RNF6: variants seen among roughly 807,000 people sequenced by gnomAD.
RNF6 encodes E3 ubiquitin-protein ligase RNF6.
A neutral mutation model predicts 50.1 loss-of-function variants in RNF6; 21 were observed. That is an observed-to-expected ratio of 0.42 (90% confidence interval 0.30 to 0.60). RNF6 has a LOEUF of 0.60. Among genes scored for constraint, RNF6 ranks in the 20% least tolerant of loss-of-function variants. The probability of loss-of-function intolerance (pLI) is 0.20; values close to 1 mark genes in which losing one functional copy is unlikely to be tolerated. For missense variants in RNF6, 698 were observed against 838.2 expected (o/e 0.83, Z 2.07); for synonymous variants, 255 against 291.8 (o/e 0.87, Z 1.29).
intron 5 of RNF6, among the ~76,000 whole-genome samples, chr13:26,196,429 T>A (rs1014923553): frequency 6.6e-6 from 1 of 152,094 alleles, no homozygotes; most frequent in Non-Finnish European, 1.5e-5. Context: ...GGTGGGTGGA[T>A]CATCTGAGGT....
intron 5 of RNF6, among the ~76,000 whole-genome samples, chr13:26,144,392 T>TC (rs55767001): frequency 6.6e-6 from 1 of 151,124 alleles, no homozygotes; most frequent in Non-Finnish European, 1.5e-5. Flanking sequence ...TTTTTTTTTT[T>TC]CACTATTTCA....
intron 5 of RNF6, among the ~76,000 whole-genome samples, chr13:26,192,782 C>A (rs931035491): frequency 1.3e-5 from 2 of 152,192 alleles, no homozygotes; most frequent in African/African-American, 2.4e-5. Context: ...TGAAGTAGGT[C>A]TTTCTCAGTC....
chr13:26,178,325 A>G (rs921064897), intron 5 of RNF6, among the ~76,000 whole-genome samples: 2 of 152,168 alleles, frequency 1.3e-5, no homozygotes, highest in Non-Finnish European at 2.9e-5. Flanking sequence ...TTTCTTGTTC[A>G]GAGATGGTGC....
chr13:26,190,237 C>G (rs1334666597), intron 5 of RNF6, among the ~76,000 whole-genome samples: 1 of 152,158 alleles, frequency 6.6e-6, no homozygotes, highest in African/African-American at 2.4e-5. Context: ...TCTGAGGACA[C>G]GTGAATAGAT....
At chr13:26,204,294 G>A (rs984052085) in intron 5 of RNF6, among the ~76,000 whole-genome samples, 8 of 151,804 alleles carry the variant, frequency 5.3e-5, no homozygotes, top group African/African-American at 1.5e-4. Flanking sequence ...TCAGGAGTTC[G>A]AGACCAGACT....
At chr13:26,178,858 T>A (rs1309259887) in intron 5 of RNF6, among the ~76,000 whole-genome samples, 1 of 152,138 alleles carries the variant, frequency 6.6e-6, no homozygotes, top group Non-Finnish European at 1.5e-5. Flanking sequence ...CTATTTTAGA[T>A]CCCACATATA....
In RNF6 at chr13:26,214,004, A is replaced by G. The variant is rs770098911; in HGVS notation, c.1878T>C (p.Ser626=). The G allele has an allele frequency of 1.9e-6, 3 of 1,614,222 alleles. No individual in the cohort carries two copies. The highest frequency in any genetic ancestry group is 2.5e-6 in the Non-Finnish European group (3 of 1,180,034). Residue 626 remains serine (S), a synonymous_variant, in exon 5 of 5, where the codon AGT becomes AGC. Coordinates refer to ENST00000381588, the MANE Select transcript of RNF6 (RefSeq NM_005977.4). The part of the protein sequence containing the change: ...TRHYEHNSID[S]ELGKICSVCI... Reference sequence around the variant, plus strand: ...AAACACTACAGATTTTACCTAGTTCACTATCAATACTGTTATGCTCATAGT... The same window carrying G: ...AAACACTACAGATTTTACCTAGTTCGCTATCAATACTGTTATGCTCATAGT...
rs1869423306 is a variant in RNF6, at chr13:26,213,072, C to A, written c.*752G>T. 6.6e-6 allele frequency: 1 copy of A among 152,486 alleles called. No homozygotes were observed. Among genetic ancestry groups the A allele is most frequent in the African/African-American group, 2.4e-5 (1 of 41,400 alleles). 9.4% of individuals were successfully genotyped at this position (152,486 alleles called of 1,614,324 possible). A position where few individuals can be genotyped will look rare whatever the true frequency, so the allele number is the denominator to read the frequency against. ...AATAACCTATATGATGTAAATTTTC[C>A]ATTTCTGAATACTTTTTCAGTATTA... On this transcript the variant is annotated 3_prime_UTR_variant, in exon 5 of 5. Transcript: ENST00000381588.
At chr13:26,209,919 A>C (rs1303662732), downstream of RNF6, among the ~76,000 whole-genome samples, 2 of 152,210 alleles carry the variant, frequency 1.3e-5, no homozygotes, top group African/African-American at 2.4e-5. Flanking sequence ...AAAAGGAATA[A>C]AAAATATATA....
chr13:26,146,932 G>A (rs1441719664), intron 5 of RNF6, among the ~76,000 whole-genome samples: 2 of 152,126 alleles, frequency 1.3e-5, no homozygotes, highest in Non-Finnish European at 2.9e-5. Context: ...AGATCTGGTT[G>A]TTTGAAATGC....
chr13:26,184,016 ATATTTTTTTT>A (rs536301133), intron 5 of RNF6, among the ~76,000 whole-genome samples: 904 of 38,290 alleles, frequency 0.024, no homozygotes, highest in African/African-American at 0.084. Flanking sequence ...ATATATATAT[ATATTTTTTTT>A]TTTTTTTTTT....
intron 5 of RNF6, among the ~76,000 whole-genome samples, chr13:26,185,609 GGT>G (rs1367427192): frequency 2.0e-5 from 3 of 152,232 alleles, no homozygotes; most frequent in Admixed American, 2.0e-4. Context: ...AGCCTGGCGT[GGT>G]GGCAGGCGCC....
chr13:26,157,648 A>C (rs1208210466), intron 5 of RNF6, among the ~76,000 whole-genome samples: 1 of 152,240 alleles, frequency 6.6e-6, no homozygotes, highest in African/African-American at 2.4e-5. Context: ...AAGTGAAAAC[A>C]AACAGATATT....
intron 2 of RNF6, among the ~76,000 whole-genome samples, chr13:26,219,980 A>G (rs1408072042): frequency 6.6e-6 from 1 of 152,220 alleles, no homozygotes; most frequent in Non-Finnish European, 1.5e-5. Context: ...GGAAAAGTTG[A>G]TCCAGAAGTC....
At chr13:26,165,046 T>C (rs1423047114) in intron 5 of RNF6, among the ~76,000 whole-genome samples, 1 of 152,152 alleles carries the variant, frequency 6.6e-6, no homozygotes, top group Non-Finnish European at 1.5e-5. Context: ...ACTCCCATCA[T>C]AAGCCTGGAG....
rs375439740 is a variant in RNF6 at position 26,134,794 on chromosome 13, G to A, written n.769-2343C>T. Among the ~76,000 whole-genome samples, 19 of 152,252 alleles carry A rather than the reference G, an allele frequency of 1.2e-4. 1 individual carries two copies. In the East Asian group the frequency reaches 2.9e-3, roughly 23 times the overall value. On this transcript the variant is annotated intron_variant and non_coding_transcript_variant, in intron 5 of 5. Coordinates refer to the RNF6 transcript ENST00000468480. ...TAATTGCACTTTAAAAAATCCGGAA[G>A]TTACCACCAAACTATTAAAATAATT...
chr13:26,207,856 T>C (rs1461520577), downstream of RNF6, among the ~76,000 whole-genome samples: 3 of 152,240 alleles, frequency 2.0e-5, no homozygotes, highest in Non-Finnish European at 2.9e-5. Flanking sequence ...CAGTCCCACC[T>C]GGCCCCCACA....
At chr13:26,209,835 G>A (rs1407867330), downstream of RNF6, among the ~76,000 whole-genome samples, 3 of 152,084 alleles carry the variant, frequency 2.0e-5, no homozygotes, top group East Asian at 5.8e-4. Context: ...ATCTTCAAAT[G>A]AGACATTAAC....
At position 26,213,137 on chromosome 13, in the gene RNF6, G is replaced by A. The variant is rs1319269465; in HGVS notation, c.*687C>T. Reference sequence around the variant, plus strand: ...TCTAATAAGTTAGATTGTCAGAGACGCTTCAGTAAATTATCTCTACTTTAA... The same window carrying A: ...TCTAATAAGTTAGATTGTCAGAGACACTTCAGTAAATTATCTCTACTTTAA... On this transcript the variant is annotated 3_prime_UTR_variant, in exon 5 of 5. Transcript: ENST00000381588. 2 of 152,478 alleles carry A rather than the reference G, an allele frequency of 1.3e-5. No individual in the cohort carries two copies. The highest frequency in any genetic ancestry group is 2.9e-5 in the Non-Finnish European group (2 of 67,996). The allele number at this position is 152,478 out of a possible 1,614,324, so 9.4% of individuals were successfully genotyped here. A position where few individuals can be genotyped will look rare whatever the true frequency, so the allele number is the denominator to read the frequency against.
Sources: gnomAD v4.1 joint callset for allele counts (sites outside exome capture counted in the v4.1 genomes callset) on GRCh38, gnomAD v4.1.1 for gene constraint, MANE v1.5 for transcripts, NCBI Gene and HGNC (gene_info 2026-07-23, HGNC 2026-07-21) for gene names.